IARS1: variants seen among roughly 807,000 people sequenced by gnomAD.
IARS1 encodes the protein isoleucyl-tRNA synthetase 1, also known as isoleucine--tRNA ligase, cytoplasmic.
Under a neutral mutation model 168.2 loss-of-function variants are expected in IARS1, and 124 were observed. That is an observed-to-expected ratio of 0.74 (90% CI 0.64 to 0.86). IARS1 has a LOEUF of 0.86. IARS1 is among the 40% of genes least tolerant of loss of function. The pLI is 0.00. For missense variants in IARS1, 1,452 were observed against 1,515.8 expected, an observed-to-expected ratio of 0.96 and a Z score of 0.70; for synonymous variants, 532 against 529.4, an observed-to-expected ratio of 1.00 and a Z score of -0.07.
chr9:92,213,748 G>A (rs776473773), intron 33 of IARS1, among the ~76,000 whole-genome samples: 1 of 152,138 alleles, frequency 6.6e-6, no homozygotes, highest in Non-Finnish European at 1.5e-5. Context: ...GCTTTGTTTT[G>A]GAGTAGGGAT....
At position 92,293,662 on chromosome 9, in the gene IARS1, C is replaced by T; in HGVS notation, c.-59G>A. The T allele has an allele frequency of 3.5e-6, 1 of 281,990 alleles. No individual in the cohort carries two copies. The highest frequency in any genetic ancestry group is 3.4e-5 in the South Asian group (1 of 29,572). The allele number at this position is 281,990 out of a possible 1,614,324, so 17.5% of individuals were successfully genotyped here. ...CCCCGCGGGCCAGCAAGCCTAAAAG[C>T]AACTCATCCGGCGTCCACGCTGCAA... On this transcript the variant is annotated 5_prime_UTR_variant, in exon 1 of 34. Transcript: ENST00000443024.
At chr9:92,228,189 C>T (rs1826066595) in intron 31 of IARS1, among the ~76,000 whole-genome samples, 1 of 152,154 alleles carries the variant, frequency 6.6e-6, no homozygotes, top group South Asian at 2.1e-4. Flanking sequence ...GATTAGGGGC[C>T]CACGCTACTC....
In IARS1 at chr9:92,265,346, C is replaced by A. The variant is rs573298981; in HGVS notation, c.1505+134G>T. The A allele has an allele frequency of 8.2e-5, 72 of 876,344 alleles. 2 individuals are homozygous for A. The South Asian group carries it at 9.8e-4, about 12-fold the overall frequency. The allele number at this position is 876,344 out of a possible 1,614,324, so 54.3% of individuals were successfully genotyped here. A position where few individuals can be genotyped will look rare whatever the true frequency, so the allele number is the denominator to read the frequency against. On this transcript the variant is annotated intron_variant, in intron 15 of 33. Transcript: ENST00000443024. Reference sequence around the variant, plus strand: ...CACAAGGACAGAGGCCACAATACTGCAATATGACATGAGTCATCAGCAAAG... The same window carrying A: ...CACAAGGACAGAGGCCACAATACTGAAATATGACATGAGTCATCAGCAAAG...
chr9:92,224,432 C>T (rs530397949), intron 31 of IARS1, among the ~76,000 whole-genome samples: 22 of 152,260 alleles, frequency 1.4e-4, no homozygotes, highest in South Asian at 4.1e-4. Flanking sequence ...CTGGACTAAA[C>T]GAGAACAGCC....
chr9:92,251,087 C>T (rs1285396750), intron 22 of IARS1: 5 of 527,184 alleles, frequency 9.5e-6, no homozygotes, highest in Admixed American at 2.2e-5. Flanking sequence ...AACAGGAGCA[C>T]CTAATGATGT....
intron 33 of IARS1, among the ~76,000 whole-genome samples, chr9:92,222,107 C>G (rs1839746347): frequency 6.6e-6 from 1 of 151,972 alleles, no homozygotes; most frequent in Non-Finnish European, 1.5e-5. Context: ...CACCTGAGGT[C>G]AGGAGTTTGA....
intron 25 of IARS1, among the ~76,000 whole-genome samples, chr9:92,248,273 C>T (rs78176522): frequency 6.6e-6 from 1 of 152,166 alleles, no homozygotes; most frequent in East Asian, 1.9e-4. Context: ...GGCACAGTAG[C>T]GGATGGGAAA....
At chr9:92,282,856 A>AT (rs1370406408) in intron 6 of IARS1, among the ~76,000 whole-genome samples, 2 of 142,132 alleles carry the variant, frequency 1.4e-5, no homozygotes, top group African/African-American at 5.2e-5. Context: ...ATATATATAT[A>AT]TATATTTTTT....
At position 92,245,003 on chromosome 9, in the gene IARS1, C is replaced by T. The variant is rs1235863516; in HGVS notation, c.2860G>A (p.Ala954Thr). The T allele has an allele frequency of 6.8e-6, 11 of 1,613,996 alleles. No individual in the cohort carries two copies. Among genetic ancestry groups the T allele is most frequent in the Non-Finnish European group, 7.6e-6 (9 of 1,180,008 alleles). The part of the protein sequence containing the change: ...DIRLMYTFDQ[A>T]TGGTAQFEAH... ...TCAAATTGCGCAGTCCCACCTGTGG[C>T]CTGATCAAAGGTGTACATGAGGCGG... The change falls in exon 27 of 34, where the codon GCC (alanine) becomes ACC (threonine). Residue 954 changes from alanine to threonine, a missense_variant. Coordinates refer to ENST00000443024, the MANE Select transcript of IARS1 (RefSeq NM_002161.6).
intron 10 of IARS1, among the ~76,000 whole-genome samples, chr9:92,274,201 G>A (rs554025205): frequency 9.2e-5 from 14 of 151,986 alleles, no homozygotes; most frequent in African/African-American, 2.9e-4. Flanking sequence ...CAAAACTCAC[G>A]GAACTGCACA....
chr9:92,214,260 CAAAGA>C (rs988760709), intron 33 of IARS1, among the ~76,000 whole-genome samples: 4 of 151,480 alleles, frequency 2.6e-5, no homozygotes, highest in Non-Finnish European at 5.9e-5. Flanking sequence ...GACGGAAACT[CAAAGA>C]ATAGAATGGT....
At chr9:92,287,721 C>A in intron 4 of IARS1, 70 bp downstream of exon 4, 1 of 1,506,276 alleles carries the variant, frequency 6.6e-7, no homozygotes, top group South Asian at 1.3e-5. Flanking sequence ...CACAAGGGAC[C>A]ATAAACCATT....
chr9:92,237,724 G>C (rs1356476196), intron 30 of IARS1, among the ~76,000 whole-genome samples: 1 of 152,008 alleles, frequency 6.6e-6, no homozygotes, highest in Admixed American at 6.6e-5. Flanking sequence ...AATTTTCTTT[G>C]CTCTGAAGTC....
rs761225704 is a variant in IARS1 at position 92,289,445 on chromosome 9, T to A, written c.-7-19A>T. The A allele has an allele frequency of 2.0e-6, 2 of 1,014,714 alleles. No individual in the cohort carries two copies. Among genetic ancestry groups the A allele is most frequent in the Admixed American group, 3.5e-5 (2 of 57,062 alleles). 62.9% of individuals were successfully genotyped at this position (1,014,714 alleles called of 1,614,324 possible). ...TTTGTTGCTGCAAAAGAAATCAAATTTATTACTGTCAAAAGAGAAATCTAG... is the reference window on the plus strand; with the variant it reads ...TTTGTTGCTGCAAAAGAAATCAAATATATTACTGTCAAAAGAGAAATCTAG... On this transcript the variant is annotated intron_variant, in intron 1 of 33. Coordinates refer to ENST00000443024, the MANE Select transcript of IARS1 (RefSeq NM_002161.6).
At chr9:92,260,450 G>A (rs1831360805) in intron 17 of IARS1, among the ~76,000 whole-genome samples, 1 of 152,184 alleles carries the variant, frequency 6.6e-6, no homozygotes, top group Non-Finnish European at 1.5e-5. Context: ...GAGGTCAGGA[G>A]TTCAAGACCA....
intron 30 of IARS1, among the ~76,000 whole-genome samples, chr9:92,233,896 G>C (rs371455994): frequency 2.6e-5 from 4 of 152,002 alleles, no homozygotes; most frequent in African/African-American, 9.7e-5. Context: ...CAAGTAGCTG[G>C]GACTAAAGGC....
At chr9:92,277,821 C>T (rs200326948) in intron 9 of IARS1, 42 bp downstream of exon 9, 2 of 1,536,750 alleles carry the variant, frequency 1.3e-6, no homozygotes, top group South Asian at 2.3e-5. Context: ...ATCAAATAAT[C>T]AGATTGTGGA....
intron 27 of IARS1, 112 bp downstream of exon 27, chr9:92,244,847 A>G (rs1176868575): frequency 5.1e-6 from 4 of 781,042 alleles, no homozygotes; most frequent in Non-Finnish European, 8.5e-6. Flanking sequence ...TAACTGGTTT[A>G]TTTTACCCTG....
intron 4 of IARS1, chr9:92,287,425 T>C (rs1299746510): frequency 6.4e-6 from 1 of 155,842 alleles, no homozygotes; most frequent in Non-Finnish European, 1.4e-5. Context: ...ATGAAGGATA[T>C]AGGGGAACCC....
Sources: gnomAD v4.1 joint callset for allele counts (sites outside exome capture counted in the v4.1 genomes callset) on GRCh38, gnomAD v4.1.1 for gene constraint, MANE v1.5 for transcripts, NCBI Gene and HGNC (gene_info 2026-07-23, HGNC 2026-07-21) for gene names.